Variants in GABARAP observed in about 807,000 individuals in gnomAD.
GABARAP encodes the protein gamma-aminobutyric acid receptor-associated protein.
GABARAP carries 5 observed loss-of-function variants against 16.7 expected under a neutral mutation model. The ratio of observed to expected loss-of-function variants is 0.30; its 90% CI spans 0.16 to 0.63. The LOEUF (loss-of-function observed/expected upper bound fraction) is 0.63, where lower values mean the gene tolerates loss of function less well. Ranked by LOEUF, GABARAP falls within the 20% of genes least tolerant of loss-of-function variation. The pLI is 0.82. For missense variants in GABARAP, 84 were observed against 146.6 expected (o/e 0.57, Z 2.21); for synonymous variants, 45 against 52.7 (o/e 0.85, Z 0.64).
At position 7,241,434 on chromosome 17, in the gene GABARAP, T is replaced by G. The variant is rs1353198112; in HGVS notation, c.196A>C (p.Lys66Gln). Residue 66 changes from lysine (K) to glutamine (Q), a missense_variant, in exon 3 of 4, where the codon AAG becomes CAG. Physicochemically the swap from Lys to Gln is moderately conservative, Grantham distance 53. Transcript: ENST00000302386. ...TCCTCAGCTCGGAGATGAATTCGCT[T>G]CCGGATCAAGAAGTAGAACTGACCA... ...TVGQFYFLIR[K>Q]RIHLRAEDAL... The G allele has an allele frequency of 6.3e-7, 1 of 1,596,232 alleles. No individual in the cohort carries two copies. Among genetic ancestry groups the G allele is most frequent in the Non-Finnish European group, 8.6e-7 (1 of 1,163,692 alleles).
intron 3 of GABARAP, 135 bp from the exon 4 acceptor site, chr17:7,241,054 G>A: frequency 1.4e-6 from 1 of 719,558 alleles, no homozygotes; most frequent in South Asian, 1.6e-5. Context: ...CACACGAGCA[G>A]TATAATCTCT....
chr17:7,241,264 G>C, intron 3 of GABARAP, 78 bp downstream of exon 3: 1 of 817,082 alleles, frequency 1.2e-6, no homozygotes, highest in African/African-American at 1.7e-5. Context: ...CAAAACTACT[G>C]ATGTAACAAC....
At chr17:7,242,132 C>G (rs1303804973) in intron 1 of GABARAP, 109 bp downstream of exon 1, 3 of 802,600 alleles carry the variant, frequency 3.7e-6, no homozygotes, top group Non-Finnish European at 6.2e-6. Context: ...TCGCTGCCAA[C>G]CCCACCACAG....
Position 7,240,968 on chromosome 17 carries a change from A to T in GABARAP, c.289-49T>A. ...TCAGCAACTGGGCTCCAGTAACTTA[A>T]ACCAACCACGACCCAGACACGTTCT... On this transcript the variant is annotated intron_variant, in intron 3 of 3. Transcript: ENST00000302386. 3.3e-6 allele frequency: 4 copies of T among 1,229,828 alleles called. No homozygotes were observed. In the South Asian group the frequency reaches 4.8e-5, roughly 15 times the overall value. The allele number at this position is 1,229,828 out of a possible 1,614,324, so 76.2% of individuals were successfully genotyped here.
chr17:7,241,480 C>G lies in GABARAP; in HGVS notation c.170-20G>C, dbSNP rs371919454. On this transcript the variant is annotated intron_variant, in intron 2 of 3. Coordinates refer to ENST00000302386, the MANE Select transcript of GABARAP (RefSeq NM_007278.2). ...GACCAACTGCAAAAGATACAAGATG[C>G]AAGAAAGTCACAGAGGTCAAAAATG... 1.4e-6 allele frequency: 2 copies of G among 1,415,930 alleles called. No homozygotes were observed. The highest frequency in any genetic ancestry group is 2.0e-6 in the Non-Finnish European group (2 of 999,110). The allele number at this position is 1,415,930 out of a possible 1,614,324, so 87.7% of individuals were successfully genotyped here. A position where few individuals can be genotyped will look rare whatever the true frequency, so the allele number is the denominator to read the frequency against.
chr17:7,242,052 C>T, intron 1 of GABARAP, 189 bp downstream of exon 1: 2 of 606,386 alleles, frequency 3.3e-6, no homozygotes, highest in South Asian at 2.0e-5. Flanking sequence ...CTGTCCACAT[C>T]CCTCTCAACC....
chr17:7,241,523 G>A, intron 2 of GABARAP, 63 bp from the exon 3 acceptor site: 1 of 1,317,970 alleles, frequency 7.6e-7, no homozygotes, highest in Non-Finnish European at 1.1e-6. Context: ...AAGAACAGCT[G>A]CTAGGTGGAG....
chr17:7,241,510 CA>C, intron 2 of GABARAP, 50 bp from the exon 3 acceptor site: 3 of 1,342,458 alleles, frequency 2.2e-6, no homozygotes, highest in Non-Finnish European at 3.2e-6. Flanking sequence ...AAAATGCCCT[CA>C]AAAGAACAGC....
Position 7,242,297 on chromosome 17 carries a change from C to T in GABARAP, c.34G>A (p.Glu12Lys), listed in dbSNP as rs2071785893. ...KFVYKEEHPF[E>K]KRRSEGEKIR... ...TTCTCGCCCTCAGAGCGGCGCTTCT[C>T]GAACGGATGCTCTTCTTTGTACACG... is the stretch of plus-strand genomic sequence containing the variant. Residue 12 changes from glutamate to lysine, a missense_variant, in exon 1 of 4, where the codon GAG (glutamate) becomes AAG (lysine). Physicochemically the swap from Glu to Lys is moderately conservative, Grantham distance 56. Coordinates refer to ENST00000302386, the MANE Select transcript of GABARAP (RefSeq NM_007278.2). 3.1e-6 allele frequency: 5 copies of T among 1,613,862 alleles called. No individual in the cohort carries two copies. The highest frequency in any genetic ancestry group is 4.2e-6 in the Non-Finnish European group (5 of 1,179,882).
intron 1 of GABARAP, 111 bp from the exon 2 acceptor site, chr17:7,241,790 T>C: frequency 2.6e-6 from 2 of 760,986 alleles, no homozygotes; most frequent in Non-Finnish European, 4.8e-6. Flanking sequence ...CAGATTCATC[T>C]CTTTGTCTTT....
At chr17:7,241,839 C>T in intron 1 of GABARAP, 160 bp from the exon 2 acceptor site, 1 of 631,094 alleles carries the variant, frequency 1.6e-6, no homozygotes, top group Non-Finnish European at 2.8e-6. Flanking sequence ...AGATCCTGAC[C>T]TCACTGACTG....
rs192974392 is a variant in GABARAP, at chr17:7,242,035, C to T, written c.90+206G>A. ...TCTAAGGCCTCAAATGCTAAGGTTT[C>T]TCTCTCCTGTCCACATCCCTCTCAA... On this transcript the variant is annotated intron_variant, in intron 1 of 3. Coordinates refer to ENST00000302386, the MANE Select transcript of GABARAP (RefSeq NM_007278.2). The T allele has an allele frequency of 8.3e-6, 5 of 601,278 alleles. No individual in the cohort carries two copies. The Admixed American group carries it at 1.2e-4, about 14-fold the overall frequency. 37.2% of individuals were successfully genotyped at this position (601,278 alleles called of 1,614,324 possible).
At chr17:7,241,316 C>G (rs887598092) in intron 3 of GABARAP, 26 bp downstream of exon 3, 17 of 1,047,782 alleles carry the variant, frequency 1.6e-5, no homozygotes, top group Middle Eastern at 5.4e-4. Context: ...CTCTCCAAAG[C>G]CTCCACCACT....
chr17:7,241,145 T>C lies in GABARAP; in HGVS notation c.288+197A>G, dbSNP rs147446401. On this transcript the variant is annotated intron_variant, in intron 3 of 3. Transcript: ENST00000302386. ...GGGACTGGGAAGAGTCCCGAACAGA[T>C]AGTTTCTCTAGCTCACTGTTCTCTT... 2,979 of 680,398 alleles carry C rather than the reference T, an allele frequency of 4.4e-3. 125 individuals carry two copies. In the Admixed American group the frequency reaches 0.062, roughly 14 times the overall value. The allele number at this position is 680,398 out of a possible 1,614,324, so 42.1% of individuals were successfully genotyped here.
chr17:7,242,220 G>C, intron 1 of GABARAP, 21 bp downstream of exon 1: 7 of 1,580,228 alleles, frequency 4.4e-6, no homozygotes, highest in Non-Finnish European at 6.1e-6. Flanking sequence ...CCGCGCCCTC[G>C]GCCCTGGCTA....
chr17:7,240,539 C>T lies in GABARAP; in HGVS notation c.*315G>A, dbSNP rs1567584714. Reference sequence around the variant, plus strand: ...AGGAAGGGATTGCTGGGGTTCTGAGCCCCTTGGGCAGTCAGAAAGGGAACA... The same window carrying T: ...AGGAAGGGATTGCTGGGGTTCTGAGTCCCTTGGGCAGTCAGAAAGGGAACA... On this transcript the variant is annotated 3_prime_UTR_variant, in exon 4 of 4. Transcript: ENST00000302386. 4.0e-6 allele frequency: 1 copy of T among 250,952 alleles called. No individual in the cohort carries two copies. 15.5% of individuals were successfully genotyped at this position (250,952 alleles called of 1,614,324 possible). A position where few individuals can be genotyped will look rare whatever the true frequency, so the allele number is the denominator to read the frequency against.
rs2071783507 is a variant in GABARAP at position 7,242,009 on chromosome 17, C to G, written c.90+232G>C. 5.0e-6 allele frequency: 3 copies of G among 600,164 alleles called. No individual in the cohort carries two copies. The Admixed American group carries it at 8.9e-5, about 18-fold the overall frequency. 37.2% of individuals were successfully genotyped at this position (600,164 alleles called of 1,614,324 possible). ...CATTTGAAGCTCAGGCTGTCAAACT[C>G]TCTAAGGCCTCAAATGCTAAGGTTT... On this transcript the variant is annotated intron_variant, in intron 1 of 3. Transcript: ENST00000302386.
At position 7,240,926 on chromosome 17, in the gene GABARAP, T is replaced by C. The variant is rs757390075; in HGVS notation, c.289-7A>G. On this transcript the variant is annotated splice_polypyrimidine_tract_variant and splice_region_variant and intron_variant, in intron 3 of 3. Transcript: ENST00000302386. ...AGTCTTCTTCATGGTGTTCCTGGGA[T>C]GAAAGCAGAAAACTGTTCAGCAACT... 22 of 1,608,382 alleles carry C rather than the reference T, an allele frequency of 1.4e-5. No homozygotes were observed. The highest frequency in any genetic ancestry group is 1.9e-5 in the Non-Finnish European group (22 of 1,175,010).
chr17:7,242,404 G>T lies in GABARAP; in HGVS notation c.-74C>A, dbSNP rs1228348331. On this transcript the variant is annotated 5_prime_UTR_variant, in exon 1 of 4. Coordinates refer to ENST00000302386, the MANE Select transcript of GABARAP (RefSeq NM_007278.2). ...GGCCGGGACGGGGGGCGGCGACGAC[G>T]GCGGCGACGCGCGGGCGGATTCAGC... 5.4e-6 allele frequency: 6 copies of T among 1,111,418 alleles called. No individual in the cohort carries two copies. Among genetic ancestry groups the T allele is most frequent in the South Asian group, 2.5e-5 (2 of 79,546 alleles). 68.8% of individuals were successfully genotyped at this position (1,111,418 alleles called of 1,614,324 possible). A position where few individuals can be genotyped will look rare whatever the true frequency, so the allele number is the denominator to read the frequency against.
Sources: gnomAD v4.1 joint callset for allele counts on GRCh38, gnomAD v4.1.1 for gene constraint, MANE v1.5 for transcripts, NCBI Gene and HGNC (gene_info 2026-07-23, HGNC 2026-07-21) for gene names.